TSC2: variants seen among roughly 807,000 people sequenced by gnomAD.
TSC2 encodes tuberin.
In TSC2, 29 loss-of-function variants were observed where a neutral mutation model predicts 202.2. The observed-to-expected ratio is 0.14, with a 90% CI of 0.11 to 0.20. TSC2 has a LOEUF of 0.20. TSC2 is among the 10% of genes least tolerant of loss of function. The pLI, the probability that TSC2 is intolerant of heterozygous loss-of-function variation, is 1.00. For missense variants in TSC2, 2,429 were observed against 2,420.0 expected (o/e 1.00, Z -0.08); for synonymous variants, 1,349 against 1,044.0 (o/e 1.29, Z -5.63).
intron 10 of TSC2, among the ~76,000 whole-genome samples, chr16:2,059,509 GTTTTTTTTT>G (rs34881847): frequency 1.6e-5 from 1 of 63,544 alleles, no homozygotes; most frequent in Non-Finnish European, 2.8e-5. Context: ...CTGGCTAATG[GTTTTTTTTT>G]TTTTTTTTTT....
chr16:2,067,131 A>C (rs542418691), intron 16 of TSC2, among the ~76,000 whole-genome samples: 7 of 151,820 alleles, frequency 4.6e-5, no homozygotes, highest in Admixed American at 4.6e-4. Context: ...ATTTCTTGCC[A>C]TGGAAGTTGA....
At chr16:2,078,874 G>A (rs1406385325) in intron 26 of TSC2, 158 bp from the exon 27 acceptor site, 5 of 896,554 alleles carry the variant, frequency 5.6e-6, no homozygotes, top group Non-Finnish European at 7.1e-6. Flanking sequence ...TGGTCCACGT[G>A]ATTCTCAAGC....
At chr16:2,081,450 G>T in intron 30 of TSC2, 145 bp from the exon 31 acceptor site, 1 of 1,090,952 alleles carries the variant, frequency 9.2e-7, no homozygotes, top group Non-Finnish European at 1.4e-6. Context: ...CGTCAGAGCA[G>T]CGCTGGCTCC....
intron 3 of TSC2, among the ~76,000 whole-genome samples, chr16:2,050,735 G>C (rs910331884): frequency 6.6e-6 from 1 of 151,732 alleles, no homozygotes; most frequent in African/African-American, 2.4e-5. Context: ...GGGATTACAG[G>C]CACGCGCCAC....
At chr16:2,082,749 T>G in intron 32 of TSC2, 1 of 597,346 alleles carries the variant, frequency 1.7e-6, no homozygotes, top group Non-Finnish European at 3.0e-6. Context: ...CGGCCCAGCT[T>G]CAGGCCTGAG....
At chr16:2,050,877 G>A (rs932746665) in intron 3 of TSC2, among the ~76,000 whole-genome samples, 1 of 152,046 alleles carries the variant, frequency 6.6e-6, no homozygotes, top group Admixed American at 6.6e-5. Flanking sequence ...GTGAGCCACT[G>A]CGCCCAGCCA....
intron 30 of TSC2, chr16:2,081,113 C>T (rs1452923294): frequency 4.1e-6 from 1 of 241,114 alleles, no homozygotes; most frequent in Non-Finnish European, 8.3e-6. Context: ...TTCTGAAACC[C>T]AGTCTCCAGA....
intron 3 of TSC2, among the ~76,000 whole-genome samples, chr16:2,051,144 C>G (rs1227986623): frequency 6.6e-6 from 1 of 151,694 alleles, no homozygotes; most frequent in Admixed American, 6.6e-5. Flanking sequence ...GCCAACATGG[C>G]GAAACCCCGT....
At chr16:2,049,331 C>T (rs1435789823) in intron 2 of TSC2, among the ~76,000 whole-genome samples, 6 of 151,820 alleles carry the variant, frequency 4.0e-5, no homozygotes, top group Admixed American at 3.9e-4. Flanking sequence ...GGTGATCTGC[C>T]CGCTTTGGCC....
rs915886359 is a variant in TSC2, at chr16:2,048,012, G to C, written c.-83G>C. Reference sequence around the variant, plus strand: ...TTCCGGCGGCGTCCCGGGGCCAGGGGGGTGCGCCTTTCTCCGCGTCGGGGC... The same window carrying C: ...TTCCGGCGGCGTCCCGGGGCCAGGGCGGTGCGCCTTTCTCCGCGTCGGGGC... On this transcript the variant is annotated 5_prime_UTR_variant, in exon 1 of 42. Coordinates refer to ENST00000219476, the MANE Select transcript of TSC2 (RefSeq NM_000548.5). 23 of 1,470,588 alleles carry C rather than the reference G, an allele frequency of 1.6e-5. No homozygotes were observed. The highest frequency in any genetic ancestry group is 2.7e-5 in the South Asian group (2 of 74,800). 91.1% of individuals were successfully genotyped at this position (1,470,588 alleles called of 1,614,324 possible).
chr16:2,080,595 T>C (rs1031312037), intron 30 of TSC2: 3 of 588,902 alleles, frequency 5.1e-6, no homozygotes, highest in Non-Finnish European at 8.8e-6. Flanking sequence ...GCCATTCTCC[T>C]GCCTCAGCCT....
At chr16:2,068,130 C>T (rs905160446) in intron 16 of TSC2, among the ~76,000 whole-genome samples, 2 of 152,204 alleles carry the variant, frequency 1.3e-5, no homozygotes, top group African/African-American at 2.4e-5. Flanking sequence ...ACCTCCGCCT[C>T]CCAGGTTCAA....
intron 39 of TSC2, 29 bp downstream of exon 39, chr16:2,087,970 G>T: frequency 6.2e-7 from 1 of 1,612,556 alleles, no homozygotes; most frequent in Non-Finnish European, 8.5e-7. Context: ...CTGCAGTGCA[G>T]GAAAGGTAGG....
rs2091280902 is a variant in TSC2, at chr16:2,088,889, ACACACAC to A, written c.*280_*286del. ...CTCGCGCGTGCGCGCGCGCACACAC[ACACACAC>A]ACAGTCACCTTCCTCCACCCTGGGA... On this transcript the variant is annotated 3_prime_UTR_variant, in exon 42 of 42. Transcript: ENST00000219476. The A allele has an allele frequency of 2.2e-6, 1 of 455,636 alleles. No homozygotes were observed. Among genetic ancestry groups the A allele is most frequent in the African/African-American group, 2.0e-5 (1 of 50,376 alleles). The allele number at this position is 455,636 out of a possible 1,614,324, so 28.2% of individuals were successfully genotyped here.
rs2151463383 is a variant in TSC2, at chr16:2,080,394, G to A, written c.3610+17G>A. ...GGCCCACAGGTACTGGGCGGGGCTGGCCTGAGCGCCATCTTTCTGCCAGTC... is the reference window on the plus strand; with the variant it reads ...GGCCCACAGGTACTGGGCGGGGCTGACCTGAGCGCCATCTTTCTGCCAGTC... On this transcript the variant is annotated intron_variant, in intron 30 of 41. Coordinates refer to ENST00000219476, the MANE Select transcript of TSC2 (RefSeq NM_000548.5). 1 of 1,608,514 alleles carries A rather than the reference G, an allele frequency of 6.2e-7. No homozygotes were observed. The highest frequency in any genetic ancestry group is 2.2e-5 in the East Asian group (1 of 44,824).
chr16:2,055,548 A>T (rs775630113), intron 6 of TSC2, 29 bp downstream of exon 6: 1 of 1,594,008 alleles, frequency 6.3e-7, no homozygotes, highest in Non-Finnish European at 8.6e-7. Flanking sequence ...TCCTGTTCTG[A>T]TAATGGTCCT....
At chr16:2,054,122 G>T in intron 4 of TSC2, 174 bp from the exon 5 acceptor site, 1 of 1,018,096 alleles carries the variant, frequency 9.8e-7, no homozygotes, top group Admixed American at 2.2e-5. Context: ...CGGTGCATCC[G>T]GCCCCCTGCC....
rs933257311 is a variant in TSC2 at position 2,081,628 on chromosome 16, C to T, written c.3644C>T (p.Pro1215Leu). The T allele has an allele frequency of 5.0e-6, 8 of 1,612,920 alleles. No homozygotes were observed. Among genetic ancestry groups the T allele is most frequent in the Non-Finnish European group, 6.8e-6 (8 of 1,180,006 alleles). ...AGCTGGCTGATGAGCCTGGAGAACCCGCTCAGCCCTTTCTCCTCGGACATC... is the reference window on the plus strand; with the variant it reads ...AGCTGGCTGATGAGCCTGGAGAACCTGCTCAGCCCTTTCTCCTCGGACATC... ...NTSWLMSLEN[P>L]LSPFSSDINN... is the part of the protein sequence containing the mutation. The change falls in exon 31 of 42, where the codon CCG becomes CTG. Residue 1215 changes from proline (P) to leucine (L), a missense_variant. Transcript: ENST00000219476.
At chr16:2,062,048 G>T (rs376359333) in intron 12 of TSC2, 40 bp downstream of exon 12, 335 of 1,613,098 alleles carry the variant, frequency 2.1e-4, no homozygotes, top group Non-Finnish European at 2.7e-4. Flanking sequence ...GGCTTTGGCT[G>T]GTGGGGAGGG....
Sources: gnomAD v4.1 joint callset for allele counts (sites outside exome capture counted in the v4.1 genomes callset) on GRCh38, gnomAD v4.1.1 for gene constraint, MANE v1.5 for transcripts, NCBI Gene and HGNC (gene_info 2026-07-23, HGNC 2026-07-21) for gene names.